Variants in TBC1D9 observed in about 807,000 individuals in gnomAD.
TBC1D9 encodes TBC1 domain family member 9, also known as TBC1 domain family member 9A.
In TBC1D9, 63 loss-of-function variants were observed where a neutral mutation model predicts 132.0. The observed-to-expected ratio is 0.48, with a 90% CI of 0.39 to 0.59. TBC1D9 has a LOEUF of 0.59. TBC1D9 is among the 20% of genes least tolerant of loss of function. The probability of loss-of-function intolerance (pLI) is 0.00; values close to 1 mark genes in which losing one functional copy is unlikely to be tolerated. For missense variants in TBC1D9, 1,261 were observed against 1,592.7 expected (o/e 0.79, Z 3.54); for synonymous variants, 610 against 609.9 (o/e 1.00, Z 0.00).
chr4:140,657,836 A>G (rs1560875937), intron 11 of TBC1D9, 24 bp from the exon 12 acceptor site: 1 of 1,595,528 alleles, frequency 6.3e-7, no homozygotes, highest in East Asian at 2.2e-5. Context: ...GTATACAAAA[A>G]GGCGCAGCTT....
At chr4:140,692,602 A>T (rs1158049144) in intron 2 of TBC1D9, among the ~76,000 whole-genome samples, 1 of 152,248 alleles carries the variant, frequency 6.6e-6, no homozygotes, top group Non-Finnish European at 1.5e-5. Flanking sequence ...AACAAATGAA[A>T]ATATACTTTT....
chr4:140,752,769 T>A (rs112007420), intron 1 of TBC1D9, among the ~76,000 whole-genome samples: 57 of 152,286 alleles, frequency 3.7e-4, no homozygotes, highest in Non-Finnish European at 7.3e-4. Context: ...TCTTAATTTT[T>A]AAAAAATGTT....
intron 1 of TBC1D9, among the ~76,000 whole-genome samples, chr4:140,707,087 A>ACCTGTTT (rs1738160917): frequency 6.6e-6 from 1 of 151,620 alleles, no homozygotes; most frequent in African/African-American, 2.4e-5. Context: ...GTGTGAGAAT[A>ACCTGTTT]CCTGTTTCTC....
Position 140,622,058 on chromosome 4 carries a change from A to G in TBC1D9, c.*137T>C. ...TCTCCAACAGTTTTCATTGAATTAC[A>G]TTATGAAAACACTAGGCTTCAAGCC... On this transcript the variant is annotated 3_prime_UTR_variant, in exon 21 of 21. Transcript: ENST00000442267. 2 of 1,220,734 alleles carry G rather than the reference A, an allele frequency of 1.6e-6. No individual in the cohort carries two copies. The highest frequency in any genetic ancestry group is 2.2e-6 in the Non-Finnish European group (2 of 917,182). 75.6% of individuals were successfully genotyped at this position (1,220,734 alleles called of 1,614,324 possible).
Position 140,679,178 on chromosome 4 carries a change from G to A in TBC1D9, c.615C>T (p.Asp205=), listed in dbSNP as rs1369724350. 1 of 1,613,632 alleles carries A rather than the reference G, an allele frequency of 6.2e-7. No individual in the cohort carries two copies. The highest frequency in any genetic ancestry group is 8.5e-7 in the Non-Finnish European group (1 of 1,179,792). ...TGGCATTCTTCTCAAGCTGAGTGAT[G>A]TCTACCCACCGGATGACCAGTTTCG... The part of the protein sequence containing the change: ...REAKLVIRWV[D]ITQLEKNATL... Residue 205 remains aspartate, a synonymous_variant, in exon 5 of 21, where the codon GAC becomes GAT. Coordinates refer to ENST00000442267, the MANE Select transcript of TBC1D9 (RefSeq NM_015130.3).
intron 1 of TBC1D9, among the ~76,000 whole-genome samples, chr4:140,729,931 A>G (rs144174555): frequency 3.3e-4 from 50 of 152,040 alleles, no homozygotes; most frequent in Middle Eastern, 6.8e-3. Context: ...GCACTGAGAA[A>G]GCACTGTTTT....
intron 5 of TBC1D9, 88 bp downstream of exon 5, chr4:140,678,854 A>T (rs1737663548): frequency 6.8e-7 from 1 of 1,464,396 alleles, no homozygotes; most frequent in African/African-American, 1.4e-5. Flanking sequence ...GAACCCTTGA[A>T]GATCGTCAGA....
At chr4:140,725,348 C>T (rs1269870569) in intron 1 of TBC1D9, among the ~76,000 whole-genome samples, 1 of 152,120 alleles carries the variant, frequency 6.6e-6, no homozygotes, top group Non-Finnish European at 1.5e-5. Context: ...GGTCTATGCA[C>T]CTGATTGTGT....
intron 9 of TBC1D9, among the ~76,000 whole-genome samples, chr4:140,668,636 C>A (rs1436118182): frequency 1.3e-5 from 2 of 152,176 alleles, no homozygotes; most frequent in African/African-American, 4.8e-5. Context: ...ACTTCAGGTT[C>A]TCTTTTATTC....
chr4:140,622,760 C>T lies in TBC1D9; in HGVS notation c.3236G>A (p.Gly1079Glu), dbSNP rs1187726817. 2 of 1,605,578 alleles carry T rather than the reference C, an allele frequency of 1.2e-6. No homozygotes were observed. Among genetic ancestry groups the T allele is most frequent in the Non-Finnish European group, 8.5e-7 (1 of 1,179,638 alleles). ...GCAGGACGGCCCACTGCCTCCGCTC[C>T]CGCCCTCCTTTGCAGGCTGGGCCAC... ...LFVAQPAKEG[G>E]SGGSGPSCHQ... is the part of the protein sequence containing the mutation. The change falls in exon 21 of 21, where the codon GGG (glycine) becomes GAG (glutamate). Residue 1079 changes from glycine to glutamate, a missense_variant. Coordinates refer to ENST00000442267, the MANE Select transcript of TBC1D9 (RefSeq NM_015130.3).
chr4:140,704,672 C>T (rs959443826), intron 1 of TBC1D9, among the ~76,000 whole-genome samples: 1 of 152,102 alleles, frequency 6.6e-6, no homozygotes, highest in African/African-American at 2.4e-5. Context: ...TCCTCTGTAA[C>T]ACAAAAGAAG....
chr4:140,633,598 C>T lies in TBC1D9; in HGVS notation c.2746+350G>A, dbSNP rs1403071714. Among the ~76,000 whole-genome samples, 4 of 152,074 alleles carry T rather than the reference C, an allele frequency of 2.6e-5. No individual in the cohort carries two copies. In the East Asian group the frequency reaches 7.7e-4, roughly 29 times the overall value. On this transcript the variant is annotated intron_variant, in intron 16 of 20. Transcript: ENST00000442267. Reference sequence around the variant, plus strand: ...TTTACTATGAAATAGATGTTTTATGCAATTATATATAATATATTCAATAAA... The same window carrying T: ...TTTACTATGAAATAGATGTTTTATGTAATTATATATAATATATTCAATAAA...
intron 13 of TBC1D9, chr4:140,643,424 C>T: frequency 2.1e-6 from 2 of 970,596 alleles, no homozygotes; most frequent in South Asian, 1.4e-5. Context: ...GTGGGTCTTC[C>T]AGGCCGGGCA....
intron 1 of TBC1D9, among the ~76,000 whole-genome samples, chr4:140,750,597 C>T (rs1383136228): frequency 6.6e-6 from 1 of 150,910 alleles, no homozygotes; most frequent in African/African-American, 2.4e-5. Flanking sequence ...AAGCTTAAAA[C>T]CTCTACACAG....
chr4:140,631,977 T>C (rs903164621), intron 16 of TBC1D9, among the ~76,000 whole-genome samples: 2 of 152,146 alleles, frequency 1.3e-5, no homozygotes, highest in Non-Finnish European at 2.9e-5. Context: ...AACTGACCAA[T>C]GTAACTGACA....
At chr4:140,733,445 G>A (rs183503189) in intron 1 of TBC1D9, among the ~76,000 whole-genome samples, 269 of 152,164 alleles carry the variant, frequency 1.8e-3, no homozygotes, top group Non-Finnish European at 2.0e-3. Context: ...AGGTTTTTCC[G>A]GGACAAAAAT....
intron 1 of TBC1D9, among the ~76,000 whole-genome samples, chr4:140,709,730 G>T (rs180956326): frequency 1.7e-3 from 262 of 152,268 alleles, no homozygotes; most frequent in Non-Finnish European, 2.6e-3. Context: ...TGGGGGTGGG[G>T]TGGTCTGGGG....
At chr4:140,654,542 T>C (rs1037744729) in intron 13 of TBC1D9, among the ~76,000 whole-genome samples, 2 of 151,978 alleles carry the variant, frequency 1.3e-5, no homozygotes, top group African/African-American at 4.8e-5. Flanking sequence ...CCCCATTATA[T>C]CCCACAAAAC....
At chr4:140,634,869 C>T (rs185773024) in intron 15 of TBC1D9, among the ~76,000 whole-genome samples, 4 of 152,156 alleles carry the variant, frequency 2.6e-5, no homozygotes, top group African/African-American at 4.8e-5. Context: ...ACCACTCCGG[C>T]GAGCAGAATA....
Sources: allele counts gnomAD v4.1 joint callset (sites outside exome capture counted in the v4.1 genomes callset), GRCh38; gene constraint gnomAD v4.1.1; transcripts MANE v1.5; gene names NCBI Gene and HGNC (gene_info 2026-07-23, HGNC 2026-07-21).